Variants in RBFOX2 observed in about 807,000 individuals in gnomAD.
The protein encoded by RBFOX2 is RNA binding protein fox-1 homolog 2.
RBFOX2 carries 10 observed loss-of-function variants against 49.1 expected under a neutral mutation model. The ratio of observed to expected loss-of-function variants is 0.20; its 90% confidence interval spans 0.13 to 0.35. RBFOX2 has a LOEUF of 0.35. RBFOX2 is among the 10% of genes least tolerant of loss of function. The pLI, the probability that RBFOX2 is intolerant of heterozygous loss-of-function variation, is 1.00. For synonymous variants in RBFOX2, 183 were observed against 187.4 expected (o/e 0.98, Z 0.19); for missense variants, 323 against 486.9 (o/e 0.66, Z 3.17).
chr22:35,785,289 G>C (rs1380269859), intron 2 of RBFOX2, among the ~76,000 whole-genome samples: 2 of 152,180 alleles, frequency 1.3e-5, no homozygotes, highest in Admixed American at 6.5e-5. Context: ...TAACAGGTGT[G>C]ACACATTCTA....
chr22:35,822,545 T>C (rs1954754199), intron 1 of RBFOX2, among the ~76,000 whole-genome samples: 1 of 152,126 alleles, frequency 6.6e-6, no homozygotes, highest in African/African-American at 2.4e-5. Flanking sequence ...CTAGTATGAG[T>C]TTCCTCTGTG....
intron 1 of RBFOX2, among the ~76,000 whole-genome samples, chr22:35,819,821 G>A (rs1451432521): frequency 6.6e-6 from 1 of 152,184 alleles, no homozygotes; most frequent in African/African-American, 2.4e-5. Context: ...AATAAGAGGA[G>A]GGTATCGGGG....
chr22:35,764,972 G>C (rs1030397823), intron 6 of RBFOX2, among the ~76,000 whole-genome samples: 3 of 151,870 alleles, frequency 2.0e-5, no homozygotes, highest in Non-Finnish European at 4.4e-5. Flanking sequence ...GCTAAGGAGA[G>C]CAACAGGTCC....
chr22:35,946,243 T>C (rs755903248), intron 1 of RBFOX2, among the ~76,000 whole-genome samples: 1 of 152,140 alleles, frequency 6.6e-6, no homozygotes, highest in Non-Finnish European at 1.5e-5. Flanking sequence ...AACCCAGAAT[T>C]TACAACTCCT....
exon 1 of RBFOX2, chr22:36,028,369 G>A (rs1456001040): frequency 7.2e-7 from 1 of 1,381,538 alleles, no homozygotes; most frequent in Non-Finnish European, 9.4e-7. Flanking sequence ...TCATGCCCCG[G>A]GCGGCGGCGC....
intron 1 of RBFOX2, among the ~76,000 whole-genome samples, chr22:35,904,548 C>A (rs996723267): frequency 1.3e-5 from 2 of 152,150 alleles, no homozygotes; most frequent in East Asian, 1.9e-4. Flanking sequence ...GCCACAGATA[C>A]AAACCACAAA....
At chr22:35,813,104 G>A (rs1458933239) in intron 1 of RBFOX2, among the ~76,000 whole-genome samples, 1 of 152,122 alleles carries the variant, frequency 6.6e-6, no homozygotes. Context: ...GTTACTTACA[G>A]AAATTTCTTT....
chr22:35,764,566 C>G (rs1412735393), intron 6 of RBFOX2, among the ~76,000 whole-genome samples: 1 of 123,698 alleles, frequency 8.1e-6, no homozygotes, highest in African/African-American at 3.1e-5. Context: ...GCCTGGGTGA[C>G]AAAGCGAGAC....
chr22:35,978,738 T>C (rs2057317738), intron 1 of RBFOX2, among the ~76,000 whole-genome samples: 1 of 152,022 alleles, frequency 6.6e-6, no homozygotes, highest in Non-Finnish European at 1.5e-5. Context: ...CTGAATAAAA[T>C]AGTAATCCAT....
intron 1 of RBFOX2, among the ~76,000 whole-genome samples, chr22:35,837,472 T>C (rs976964401): frequency 2.6e-5 from 4 of 151,256 alleles, no homozygotes; most frequent in Admixed American, 1.3e-4. Context: ...AATGTTGGGA[T>C]TGGATGTCTG....
At chr22:35,788,649 G>C (rs1367046627) in intron 2 of RBFOX2, among the ~76,000 whole-genome samples, 1 of 152,206 alleles carries the variant, frequency 6.6e-6, no homozygotes, top group East Asian at 1.9e-4. Context: ...CCTTGCTGCT[G>C]AGAAATCTGA....
chr22:35,810,971 A>G (rs776713917), intron 1 of RBFOX2, among the ~76,000 whole-genome samples: 2 of 152,242 alleles, frequency 1.3e-5, no homozygotes, highest in Non-Finnish European at 2.9e-5. Flanking sequence ...CAATATTCTG[A>G]AACACTGAAT....
chr22:36,000,338 T>C (rs972394327), intron 1 of RBFOX2: 3 of 152,138 alleles, frequency 2.0e-5, no homozygotes, highest in African/African-American at 7.2e-5. Flanking sequence ...TAAAACACAC[T>C]ATGTTTAAAC....
At chr22:35,956,673 T>C (rs900964654) in intron 1 of RBFOX2, among the ~76,000 whole-genome samples, 1 of 152,150 alleles carries the variant, frequency 6.6e-6, no homozygotes, top group East Asian at 1.9e-4. Context: ...CATTCATTTT[T>C]AATAAAACGT....
At chr22:35,942,986 T>C (rs118146247), upstream of RBFOX2, among the ~76,000 whole-genome samples, 627 of 152,356 alleles carry the variant, frequency 4.1e-3, 5 homozygotes, top group Middle Eastern at 0.01. Flanking sequence ...GTTTTATAAA[T>C]GTCATTTTAC....
chr22:35,799,241 C>T (rs1270663891), intron 2 of RBFOX2, among the ~76,000 whole-genome samples: 1 of 152,118 alleles, frequency 6.6e-6, no homozygotes, highest in Non-Finnish European at 1.5e-5. Context: ...GTTATTTATA[C>T]CCACTGCCAT....
intron 4 of RBFOX2, chr22:35,777,507 T>C (rs1944228284): frequency 6.5e-6 from 1 of 154,548 alleles, no homozygotes; most frequent in Non-Finnish European, 1.4e-5. Context: ...AATCAGTTCA[T>C]ACTGAATTCC....
chr22:35,809,657 T>C, intron 2 of RBFOX2, 123 bp downstream of exon 3: 1 of 1,044,506 alleles, frequency 9.6e-7, no homozygotes, highest in South Asian at 1.4e-5. Flanking sequence ...TGAGAGAAGG[T>C]GTAAATGAGA....
intron 1 of RBFOX2, among the ~76,000 whole-genome samples, chr22:35,814,710 C>CAAAAAAAAAAAAA (rs55971445): frequency 3.2e-5 from 1 of 31,022 alleles, no homozygotes; most frequent in African/African-American, 1.1e-4. Context: ...AACCCTGTCT[C>CAAAAAAAAAAAAA]AAAAAAAAAA....
Sources: gnomAD v4.1 joint callset for allele counts (sites outside exome capture counted in the v4.1 genomes callset) on GRCh38, gnomAD v4.1.1 for gene constraint, MANE v1.5 for transcripts, NCBI Gene and HGNC (gene_info 2026-07-23, HGNC 2026-07-21) for gene names.